The following PPP2R3A variants were observed in gnomAD, a reference collection of about 807,000 sequenced individuals.
PPP2R3A encodes the protein protein phosphatase 2 regulatory subunit B''alpha, also known as serine/threonine-protein phosphatase 2A regulatory subunit B'' subunit alpha.
Under a neutral mutation model 106.9 loss-of-function variants are expected in PPP2R3A, and 80 were observed. The observed-to-expected ratio is 0.75, with a 90% CI of 0.62 to 0.90. PPP2R3A has a LOEUF of 0.90. PPP2R3A is among the 40% of genes least tolerant of loss of function. PPP2R3A has a pLI of 0.00. For missense variants in PPP2R3A, 1,386 were observed against 1,350.4 expected (o/e 1.03, Z -0.41); for synonymous variants, 483 against 468.3 (o/e 1.03, Z -0.41).
chr3:136,010,267 T>C (rs1358667631), intron 2 of PPP2R3A, among the ~76,000 whole-genome samples: 3 of 147,892 alleles, frequency 2.0e-5, no homozygotes, highest in Non-Finnish European at 4.5e-5. Context: ...TCTTTTTTTT[T>C]TTTTTTTTTG....
intron 13 of PPP2R3A, among the ~76,000 whole-genome samples, chr3:136,140,186 A>AC (rs1348037012): frequency 1.1e-4 from 17 of 151,910 alleles, no homozygotes; most frequent in Non-Finnish European, 2.9e-5. Flanking sequence ...ATACCACTGA[A>AC]CCCAGAAGTG....
At chr3:136,104,650 C>T (rs140410219) in intron 12 of PPP2R3A, among the ~76,000 whole-genome samples, 76 of 152,254 alleles carry the variant, frequency 5.0e-4, no homozygotes, top group African/African-American at 1.8e-3. Flanking sequence ...CAAACATTGC[C>T]AGTTGTAAGC....
chr3:136,115,267 T>C (rs1026622099), intron 13 of PPP2R3A, among the ~76,000 whole-genome samples: 4 of 151,928 alleles, frequency 2.6e-5, no homozygotes, highest in African/African-American at 9.7e-5. Flanking sequence ...AGACCAAAGG[T>C]AGATAAATCC....
chr3:136,066,577 C>G (rs1219095815), intron 5 of PPP2R3A, among the ~76,000 whole-genome samples: 1 of 152,138 alleles, frequency 6.6e-6, no homozygotes, highest in African/African-American at 2.4e-5. Flanking sequence ...AAGTACGGTG[C>G]TGGCATCTGC....
At chr3:136,025,291 G>A (rs1437706429) in intron 2 of PPP2R3A, among the ~76,000 whole-genome samples, 1 of 152,096 alleles carries the variant, frequency 6.6e-6, no homozygotes, top group Non-Finnish European at 1.5e-5. Context: ...AGAGTAGTAA[G>A]CCATCAGTGT....
chr3:135,983,649 C>T (rs532763388), intron 1 of PPP2R3A, among the ~76,000 whole-genome samples: 1 of 152,328 alleles, frequency 6.6e-6, no homozygotes, highest in East Asian at 1.9e-4. Flanking sequence ...TTAGAGCCTT[C>T]TGCATCTTCT....
In PPP2R3A at chr3:136,088,004, C is replaced by T. The variant is rs1050790038; in HGVS notation, c.2837+73C>T. On this transcript the variant is annotated intron_variant, in intron 9 of 13. Coordinates refer to ENST00000264977, the MANE Select transcript of PPP2R3A (RefSeq NM_002718.5). ...CCATAACCATCTCATTTTAGCAAAGCTTCCTGAATAATTTGGCAGTGCTAT... is the reference window on the plus strand; with the variant it reads ...CCATAACCATCTCATTTTAGCAAAGTTTCCTGAATAATTTGGCAGTGCTAT... 3.0e-6 allele frequency: 4 copies of T among 1,350,336 alleles called. No individual in the cohort carries two copies. In the Admixed American group the frequency reaches 7.4e-5, roughly 25 times the overall value. The allele number at this position is 1,350,336 out of a possible 1,614,324, so 83.6% of individuals were successfully genotyped here. A position where few individuals can be genotyped will look rare whatever the true frequency, so the allele number is the denominator to read the frequency against.
intron 3 of PPP2R3A, among the ~76,000 whole-genome samples, chr3:136,034,130 G>A (rs1576450316): frequency 6.6e-6 from 1 of 151,542 alleles, no homozygotes; most frequent in East Asian, 1.9e-4. Flanking sequence ...GCACCTCCTG[G>A]GTTCAAGTGA....
intron 10 of PPP2R3A, 126 bp downstream of exon 10, chr3:136,090,793 T>TA: frequency 1.5e-6 from 1 of 681,446 alleles, no homozygotes; most frequent in Non-Finnish European, 2.5e-6. Context: ...TTAGACTTAG[T>TA]TTCTGCCGTC....
intron 2 of PPP2R3A, among the ~76,000 whole-genome samples, chr3:136,006,578 T>TA (rs1408416127): frequency 6.6e-6 from 1 of 152,190 alleles, no homozygotes; most frequent in African/African-American, 2.4e-5. Context: ...CTCCAAGACT[T>TA]AGAAAAACAG....
chr3:136,101,726 T>G (rs1937365577), intron 10 of PPP2R3A, among the ~76,000 whole-genome samples: 1 of 151,974 alleles, frequency 6.6e-6, no homozygotes, highest in Non-Finnish European at 1.5e-5. Context: ...GTGCCCAGCC[T>G]CTAATAATAG....
At chr3:136,102,642 C>T (rs1159330753) in intron 11 of PPP2R3A, among the ~76,000 whole-genome samples, 2 of 152,042 alleles carry the variant, frequency 1.3e-5, no homozygotes, top group East Asian at 1.9e-4. Flanking sequence ...TCACCATGCC[C>T]AGGCTTAGTG....
intron 13 of PPP2R3A, among the ~76,000 whole-genome samples, chr3:136,113,299 G>C (rs1030679436): frequency 6.6e-6 from 1 of 152,026 alleles, no homozygotes; most frequent in East Asian, 1.9e-4. Flanking sequence ...AGATTATATG[G>C]AACACCAGTG....
intron 1 of PPP2R3A, among the ~76,000 whole-genome samples, chr3:135,966,355 G>A (rs1937084900): frequency 6.6e-6 from 1 of 152,222 alleles, no homozygotes; most frequent in African/African-American, 2.4e-5. Context: ...AAAGAAGGAT[G>A]TGTCACCAGC....
At chr3:136,138,869 G>A (rs565372758) in intron 13 of PPP2R3A, among the ~76,000 whole-genome samples, 11 of 151,458 alleles carry the variant, frequency 7.3e-5, no homozygotes, top group South Asian at 2.1e-4. Flanking sequence ...GCACCACCAC[G>A]CCCAGCTAAT....
intron 8 of PPP2R3A, among the ~76,000 whole-genome samples, chr3:136,086,535 A>C (rs1936935263): frequency 6.6e-6 from 1 of 152,156 alleles, no homozygotes; most frequent in Admixed American, 6.5e-5. Flanking sequence ...GACAACATAG[A>C]ATAACATGAT....
chr3:136,108,212 GACAC>G lies in PPP2R3A; in HGVS notation c.3329+1902_3329+1905del, dbSNP rs375655120. On this transcript the variant is annotated intron_variant, in intron 13 of 13. Coordinates refer to ENST00000264977, the MANE Select transcript of PPP2R3A (RefSeq NM_002718.5). Reference sequence around the variant, plus strand: ...TGGCCTGCAGAGCTAGCTAGACCCTGACACACACACACACAGCAAGTGTGGATGT... The same window carrying G: ...TGGCCTGCAGAGCTAGCTAGACCCTGACACACACACAGCAAGTGTGGATGT... 4.6e-5 allele frequency among the ~76,000 whole-genome samples: 7 copies of G among 151,488 alleles called. No individual in the cohort carries two copies. In the South Asian group the frequency reaches 6.3e-4, roughly 14 times the overall value.
intron 2 of PPP2R3A, among the ~76,000 whole-genome samples, chr3:136,007,823 G>T (rs987724522): frequency 6.6e-6 from 1 of 152,070 alleles, no homozygotes; most frequent in South Asian, 2.1e-4. Flanking sequence ...CATGGATTTG[G>T]GTTGGAAAAG....
chr3:136,030,845 CAT>C (rs1158232755), intron 3 of PPP2R3A, among the ~76,000 whole-genome samples: 26 of 150,252 alleles, frequency 1.7e-4, no homozygotes, highest in South Asian at 4.2e-4. Flanking sequence ...CACACACACA[CAT>C]GCCCCAGTTT....
Sources: gnomAD v4.1 joint callset for allele counts (sites outside exome capture counted in the v4.1 genomes callset) on GRCh38, gnomAD v4.1.1 for gene constraint, MANE v1.5 for transcripts, NCBI Gene and HGNC (gene_info 2026-07-23, HGNC 2026-07-21) for gene names.